AAMDC: variants seen among roughly 807,000 people sequenced by gnomAD.
AAMDC encodes adipogenesis associated Mth938 domain containing.
In AAMDC, 16 loss-of-function variants were observed where a neutral mutation model predicts 15.5. That is an observed-to-expected ratio of 1.03 (90% CI 0.70 to 1.57). AAMDC has a LOEUF of 1.57. Among genes scored for constraint, AAMDC ranks in the 40% most tolerant of loss-of-function variants. The probability of loss-of-function intolerance (pLI) is 0.00; values close to 1 mark genes in which losing one functional copy is unlikely to be tolerated. For missense variants in AAMDC, 141 were observed against 144.9 expected, an observed-to-expected ratio of 0.97 and a Z score of 0.14; for synonymous variants, 51 against 51.6, an observed-to-expected ratio of 0.99 and a Z score of 0.05.
chr11:77,845,158 G>T (rs1421134784), intron 2 of AAMDC, among the ~76,000 whole-genome samples: 1 of 152,028 alleles, frequency 6.6e-6, no homozygotes, highest in Non-Finnish European at 1.5e-5. Context: ...ATTTGGGGAA[G>T]TTTAGAGCCA....
intron 1 of AAMDC, among the ~76,000 whole-genome samples, chr11:77,827,348 C>A (rs1309006659): frequency 6.6e-6 from 1 of 152,044 alleles, no homozygotes; most frequent in Non-Finnish European, 1.5e-5. Flanking sequence ...CAAGGAAAGC[C>A]CAATACCTCA....
intron 2 of AAMDC, among the ~76,000 whole-genome samples, chr11:77,849,323 G>A (rs1182749717): frequency 6.6e-6 from 1 of 152,152 alleles, no homozygotes; most frequent in Non-Finnish European, 1.5e-5. Flanking sequence ...CCGGGTTCAA[G>A]CGATTCTCTT....
At chr11:77,895,345 T>G (rs1421689718) in intron 5 of AAMDC, among the ~76,000 whole-genome samples, 1 of 151,668 alleles carries the variant, frequency 6.6e-6, no homozygotes, top group African/African-American at 2.4e-5. Flanking sequence ...GAGAATGATG[T>G]CAAGGTTTAG....
intron 2 of AAMDC, among the ~76,000 whole-genome samples, chr11:77,861,873 G>T (rs943638771): frequency 6.6e-6 from 1 of 152,080 alleles, no homozygotes; most frequent in African/African-American, 2.4e-5. Flanking sequence ...GTTCAACAGG[G>T]TTTCTAAGTT....
intron 2 of AAMDC, among the ~76,000 whole-genome samples, chr11:77,847,888 G>A (rs955414939): frequency 2.6e-4 from 39 of 152,124 alleles, no homozygotes; most frequent in African/African-American, 8.7e-4. Context: ...CCCGGGAGCT[G>A]AAGGTTTAAA....
chr11:77,828,158 C>T (rs2136052055), intron 1 of AAMDC, among the ~76,000 whole-genome samples: 1 of 152,040 alleles, frequency 6.6e-6, no homozygotes, highest in South Asian at 2.1e-4. Flanking sequence ...ACCTGTAATC[C>T]CAGCTACTAG....
chr11:77,831,175 T>C (rs1263681783), intron 1 of AAMDC, among the ~76,000 whole-genome samples: 5 of 151,910 alleles, frequency 3.3e-5, no homozygotes, highest in Non-Finnish European at 7.4e-5. Context: ...AAAATACCAC[T>C]TCACACCCAC....
chr11:77,868,187 C>T (rs1410750961), intron 2 of AAMDC, among the ~76,000 whole-genome samples: 1 of 151,062 alleles, frequency 6.6e-6, no homozygotes, highest in Non-Finnish European at 1.5e-5. Context: ...TCCCGAGTAG[C>T]TGGGATTACA....
At chr11:77,882,248 G>A (rs987364479) in intron 5 of AAMDC, among the ~76,000 whole-genome samples, 3 of 152,104 alleles carry the variant, frequency 2.0e-5, no homozygotes, top group Non-Finnish European at 4.4e-5. Context: ...GCTCAGGATC[G>A]CCTGGCAATA....
Position 77,856,834 on chromosome 11 carries a change from G to A in AAMDC, c.133-12888G>A, listed in dbSNP as rs557036116. Among the ~76,000 whole-genome samples the A allele has an allele frequency of 8.3e-4, 127 of 152,278 alleles. 1 individual carries two copies. Among genetic ancestry groups the A allele is most frequent in the African/African-American group, 3.0e-3 (126 of 41,548 alleles). On this transcript the variant is annotated intron_variant, in intron 2 of 3. Transcript: ENST00000393427. ...CATTGGGGATTACAATTCGACATGA[G>A]ATTTGGGCAGGGACACAAATCCAAA...
chr11:77,855,741 C>A (rs1198221019), intron 2 of AAMDC, among the ~76,000 whole-genome samples: 20 of 100,508 alleles, frequency 2.0e-4, no homozygotes, highest in Non-Finnish European at 3.4e-4. Flanking sequence ...TTTTTTTGCT[C>A]AAGAATATGA....
intron 5 of AAMDC, chr11:77,878,898 T>C: frequency 7.0e-7 from 1 of 1,432,508 alleles, no homozygotes; most frequent in Non-Finnish European, 9.8e-7. Context: ...TGGCTCATTC[T>C]GACACCTAAG....
chr11:77,854,784 C>T (rs1218513181), intron 2 of AAMDC, among the ~76,000 whole-genome samples: 1 of 152,224 alleles, frequency 6.6e-6, no homozygotes, highest in Admixed American at 6.5e-5. Flanking sequence ...CTCCATTAAC[C>T]ACTGTCCCAG....
chr11:77,839,081 T>C (rs1487532639), intron 1 of AAMDC, among the ~76,000 whole-genome samples: 1 of 152,226 alleles, frequency 6.6e-6, no homozygotes, highest in Non-Finnish European at 1.5e-5. Flanking sequence ...TTTGAAGTCT[T>C]TGCTAAATGT....
At chr11:77,893,631 G>A (rs1157293938) in intron 5 of AAMDC, among the ~76,000 whole-genome samples, 3 of 151,962 alleles carry the variant, frequency 2.0e-5, no homozygotes, top group African/African-American at 2.4e-5. Flanking sequence ...GGTGGCTCAC[G>A]CCTGTAATCC....
At chr11:77,872,467 G>A, downstream of AAMDC, 2 of 879,632 alleles carry the variant, frequency 2.3e-6, no homozygotes, top group Non-Finnish European at 3.3e-6. Context: ...ACCAAGACAA[G>A]GTCCCTGTCC....
intron 5 of AAMDC, among the ~76,000 whole-genome samples, chr11:77,880,882 C>A (rs1393994060): frequency 1.3e-5 from 2 of 152,120 alleles, no homozygotes; most frequent in South Asian, 4.1e-4. Flanking sequence ...GAGGATCACA[C>A]CACTGCACTC....
At chr11:77,845,318 A>T (rs1424894420) in intron 2 of AAMDC, among the ~76,000 whole-genome samples, 1 of 152,050 alleles carries the variant, frequency 6.6e-6, no homozygotes, top group Non-Finnish European at 1.5e-5. Context: ...CAGACTGGAT[A>T]ATCTCAATTG....
Position 77,883,154 on chromosome 11 carries a change from T to A in AAMDC, c.328+6105T>A, listed in dbSNP as rs117767478. The stretch of plus-strand genomic sequence containing the variant: ...GAGTGAAAGAAAATTCCAAAAGGCA[T>A]TCCCTATCTCTAAAATAAACCAAAT... On this transcript the variant is annotated intron_variant, in intron 5 of 5. Coordinates refer to the AAMDC transcript ENST00000304716. Among the ~76,000 whole-genome samples, 1,039 of 152,170 alleles carry A rather than the reference T, an allele frequency of 6.8e-3. 11 individuals are homozygous for A. The highest frequency in any genetic ancestry group is 6.7e-3 in the Non-Finnish European group (459 of 68,002).
Sources: allele counts gnomAD v4.1 joint callset (sites outside exome capture counted in the v4.1 genomes callset), GRCh38; gene constraint gnomAD v4.1.1; transcripts MANE v1.5; gene names NCBI Gene and HGNC (gene_info 2026-07-23, HGNC 2026-07-21).